TBC1D22B: variants seen among roughly 807,000 people sequenced by gnomAD.
TBC1D22B encodes TBC1 domain family member 22B, also known as chromosome 6 open reading frame 197.
Under a neutral mutation model 69.1 loss-of-function variants are expected in TBC1D22B, and 32 were observed. The observed-to-expected ratio is 0.46, with a 90% CI of 0.35 to 0.62. The LOEUF is 0.62. Among genes scored for constraint, TBC1D22B ranks in the 20% least tolerant of loss-of-function variants. The pLI, the probability that TBC1D22B is intolerant of heterozygous loss-of-function variation, is 0.00. For synonymous variants in TBC1D22B, 206 were observed against 229.8 expected, an observed-to-expected ratio of 0.90 and a Z score of 0.94; for missense variants, 462 against 630.9, an observed-to-expected ratio of 0.73 and a Z score of 2.87.
intron 12 of TBC1D22B, among the ~76,000 whole-genome samples, chr6:37,326,455 A>G (rs1468660895): frequency 6.6e-6 from 1 of 151,688 alleles, no homozygotes. Context: ...TCAGTTTGCA[A>G]GTGTATGTAA....
intron 8 of TBC1D22B, among the ~76,000 whole-genome samples, chr6:37,305,034 A>G (rs1179613247): frequency 1.3e-5 from 2 of 152,232 alleles, no homozygotes; most frequent in African/African-American, 2.4e-5. Context: ...GGAGCTGTGC[A>G]GTTAATTTTT....
chr6:37,265,529 T>C (rs1766242715), intron 1 of TBC1D22B, among the ~76,000 whole-genome samples: 1 of 150,014 alleles, frequency 6.7e-6, no homozygotes, highest in Non-Finnish European at 1.5e-5. Context: ...AGTAGCCCTT[T>C]GGGTTTTTTT....
chr6:37,279,529 G>A lies in TBC1D22B; in HGVS notation c.339G>A (p.Arg113=). ...NHSKLRVKPE[R]SQSTTSDVPA... ...GCAAGCTGAGAGTAAAACCAGAACG[G>A]TCCCAGTCAACGACATCGGACGTCC... is the stretch of plus-strand genomic sequence containing the variant. Residue 113 remains arginine (R), a synonymous_variant, in exon 3 of 13, where the codon CGG becomes CGA. Coordinates refer to ENST00000373491, the MANE Select transcript of TBC1D22B (RefSeq NM_017772.4). 6.2e-7 allele frequency: 1 copy of A among 1,614,216 alleles called. No homozygotes were observed. Among genetic ancestry groups the A allele is most frequent in the Non-Finnish European group, 8.5e-7 (1 of 1,180,036 alleles).
rs1415024390 is a variant in TBC1D22B, at chr6:37,327,381, G to A, written c.1390-3663G>A. Reference sequence around the variant, plus strand: ...TAGTCCCAGCTGCTCGGGAGGCTGAGGCAGGAGAATGGCGTGAACCCGGGA... The same window carrying A: ...TAGTCCCAGCTGCTCGGGAGGCTGAAGCAGGAGAATGGCGTGAACCCGGGA... On this transcript the variant is annotated intron_variant, in intron 12 of 12. Coordinates refer to ENST00000373491, the MANE Select transcript of TBC1D22B (RefSeq NM_017772.4). Among the ~76,000 whole-genome samples, 7 of 129,296 alleles carry A rather than the reference G, an allele frequency of 5.4e-5. 1 individual carries two copies. The highest frequency in any genetic ancestry group is 1.1e-4 in the Non-Finnish European group (7 of 63,692). 84.8% of individuals were successfully genotyped at this position (129,296 alleles called of 152,430 possible). A position where few individuals can be genotyped will look rare whatever the true frequency, so the allele number is the denominator to read the frequency against.
At chr6:37,282,143 T>G in intron 3 of TBC1D22B, 42 bp from the exon 4 acceptor site, 2 of 1,604,014 alleles carry the variant, frequency 1.2e-6, no homozygotes, top group Non-Finnish European at 1.7e-6. Context: ...GAATCCATAC[T>G]CCTCACACAG....
intron 2 of TBC1D22B, among the ~76,000 whole-genome samples, chr6:37,274,022 G>A (rs1190265213): frequency 2.0e-5 from 3 of 152,192 alleles, no homozygotes; most frequent in East Asian, 3.8e-4. Context: ...ATTACTATTA[G>A]TGATACTATT....
intron 1 of TBC1D22B, among the ~76,000 whole-genome samples, chr6:37,259,502 A>T (rs1765993485): frequency 1.3e-5 from 2 of 152,144 alleles, no homozygotes; most frequent in African/African-American, 4.8e-5. Context: ...AGTGTAAGAG[A>T]TGTGGGACGT....
chr6:37,259,700 A>T (rs911908032), intron 1 of TBC1D22B, among the ~76,000 whole-genome samples: 2 of 152,238 alleles, frequency 1.3e-5, no homozygotes, highest in Non-Finnish European at 2.9e-5. Context: ...ATAGAGAAAT[A>T]GAGAACTTTC....
intron 8 of TBC1D22B, among the ~76,000 whole-genome samples, chr6:37,312,337 A>G (rs1472983077): frequency 6.6e-6 from 1 of 152,140 alleles, no homozygotes; most frequent in African/African-American, 2.4e-5. Flanking sequence ...CTTGAGAAAT[A>G]CCATCTTGTT....
intron 1 of TBC1D22B, among the ~76,000 whole-genome samples, chr6:37,260,212 C>T (rs1260874310): frequency 6.6e-6 from 1 of 152,164 alleles, no homozygotes; most frequent in Non-Finnish European, 1.5e-5. Context: ...ACTTTTGCAT[C>T]TGTACTCTTT....
chr6:37,261,308 T>C (rs1006577076), intron 1 of TBC1D22B, among the ~76,000 whole-genome samples: 3 of 151,876 alleles, frequency 2.0e-5, no homozygotes, highest in Non-Finnish European at 4.4e-5. Context: ...GGTGTGTGCC[T>C]GTAGTCCCAG....
intron 5 of TBC1D22B, among the ~76,000 whole-genome samples, chr6:37,283,562 C>T (rs1381733581): frequency 6.6e-6 from 1 of 152,254 alleles, no homozygotes. Context: ...CTGCAGAATG[C>T]ATTACATAAA....
At chr6:37,296,454 TC>T (rs374558292) in intron 8 of TBC1D22B, among the ~76,000 whole-genome samples, 195 of 152,040 alleles carry the variant, frequency 1.3e-3, no homozygotes, top group African/African-American at 4.5e-3. Flanking sequence ...GCTCAAGTGA[TC>T]CTCTCACCTC....
Position 37,282,267 on chromosome 6 carries a change from G to C in TBC1D22B, c.504G>C (p.Ser168=), listed in dbSNP as rs767807891. 7 of 1,613,990 alleles carry C rather than the reference G, an allele frequency of 4.3e-6. No homozygotes were observed. ...TCATCCCCCTCGTTGCCCGGATCTC[G>C]GATCAGAACGCTTCTGGGGCCCCCC... ...RPIIPLVARI[S]DQNASGAPPM... Residue 168 remains serine, a synonymous_variant, in exon 4 of 13, where the codon TCG becomes TCC. Transcript: ENST00000373491.
Position 37,313,948 on chromosome 6 carries a change from G to A in TBC1D22B, c.1165+57G>A, listed in dbSNP as rs565687230. On this transcript the variant is annotated intron_variant, in intron 10 of 12. Coordinates refer to ENST00000373491, the MANE Select transcript of TBC1D22B (RefSeq NM_017772.4). ...ATAGCAGAGTTGATTCTGTTATGAG[G>A]CGGTTGTGCTTGTGGGTCCTCTCCT... is the stretch of plus-strand genomic sequence containing the variant. 8.4e-6 allele frequency: 13 copies of A among 1,543,490 alleles called. No homozygotes were observed. In the South Asian group the frequency reaches 1.1e-4, roughly 13 times the overall value.
chr6:37,305,554 G>A (rs949886844), intron 8 of TBC1D22B, among the ~76,000 whole-genome samples: 1 of 142,312 alleles, frequency 7.0e-6, no homozygotes, highest in Non-Finnish European at 1.5e-5. Context: ...GTGTTGCTCT[G>A]TCCCCCAGGC....
chr6:37,301,963 C>T (rs1266534359), intron 8 of TBC1D22B, among the ~76,000 whole-genome samples: 1 of 152,182 alleles, frequency 6.6e-6, no homozygotes, highest in Non-Finnish European at 1.5e-5. Context: ...CTCACTGAAT[C>T]ATAGCATAGG....
intron 2 of TBC1D22B, among the ~76,000 whole-genome samples, chr6:37,274,787 A>G (rs529141556): frequency 1.3e-5 from 2 of 152,356 alleles, no homozygotes; most frequent in Admixed American, 1.3e-4. Context: ...ATGGTGGCTC[A>G]CGCCTGTAAT....
At chr6:37,295,163 T>C (rs1232476617) in intron 8 of TBC1D22B, among the ~76,000 whole-genome samples, 2 of 152,042 alleles carry the variant, frequency 1.3e-5, no homozygotes, top group Non-Finnish European at 2.9e-5. Context: ...AGTGCAGTGG[T>C]GTAATCATAG....
Sources: gnomAD v4.1 joint callset for allele counts (sites outside exome capture counted in the v4.1 genomes callset) on GRCh38, gnomAD v4.1.1 for gene constraint, MANE v1.5 for transcripts, NCBI Gene and HGNC (gene_info 2026-07-23, HGNC 2026-07-21) for gene names.